Variants in ITGA11 observed in about 807,000 individuals in gnomAD.
ITGA11 encodes the protein integrin subunit alpha 11, also known as integrin alpha-11.
In ITGA11, 97 loss-of-function variants were observed where a neutral mutation model predicts 141.9. That is an observed-to-expected ratio of 0.68 (90% confidence interval 0.58 to 0.81). The LOEUF is 0.81. Ranked by LOEUF, ITGA11 falls within the 30% of genes least tolerant of loss-of-function variation. The pLI is 0.00. For synonymous variants in ITGA11, 658 were observed against 624.6 expected (o/e 1.05, Z -0.80); for missense variants, 1,387 against 1,559.2 (o/e 0.89, Z 1.86).
At chr15:68,332,975 AACAAT>A (rs1247248684) in intron 12 of ITGA11, among the ~76,000 whole-genome samples, 2 of 152,212 alleles carry the variant, frequency 1.3e-5, no homozygotes, top group East Asian at 1.9e-4. Flanking sequence ...TTTTAAATAA[AACAAT>A]ACATCATGAA....
chr15:68,337,349 G>C (rs1894394137), intron 11 of ITGA11, among the ~76,000 whole-genome samples: 1 of 152,106 alleles, frequency 6.6e-6, no homozygotes, highest in Non-Finnish European at 1.5e-5. Flanking sequence ...TGAAAGGGTA[G>C]GACCATGGCC....
At position 68,304,091 on chromosome 15, in the gene ITGA11, C is replaced by T. The variant is rs1893115544; in HGVS notation, c.3382-206G>A. On this transcript the variant is annotated intron_variant, in intron 28 of 29. Coordinates refer to ENST00000315757, the MANE Select transcript of ITGA11 (RefSeq NM_001004439.2). This position sits in a 1 kb window ranked among gnomAD's most constrained non-coding sequence, Gnocchi z 6.1. Reference sequence around the variant, plus strand: ...GAACAGCCGACACTGGGTTCAGTGGCCCAAGTGATCCTGCCTCCTTGAGAC... The same window carrying T: ...GAACAGCCGACACTGGGTTCAGTGGTCCAAGTGATCCTGCCTCCTTGAGAC... Among the ~76,000 whole-genome samples the T allele has an allele frequency of 6.6e-6, 1 of 152,170 alleles. No individual in the cohort carries two copies. Among genetic ancestry groups the T allele is most frequent in the Non-Finnish European group, 1.5e-5 (1 of 68,022 alleles).
chr15:68,358,559 T>C lies in ITGA11; in HGVS notation c.499A>G (p.Ile167Val). The C allele has an allele frequency of 6.2e-7, 1 of 1,613,770 alleles. No homozygotes were observed. Among genetic ancestry groups the C allele is most frequent in the Non-Finnish European group, 8.5e-7 (1 of 1,179,850 alleles). Reference sequence around the variant, plus strand: ...ATGCTGTTGGAGCCATCCAGGACAATGACGATGTCCATGTAGGTCTGGCAC... The same window carrying C: ...ATGCTGTTGGAGCCATCCAGGACAACGACGATGTCCATGTAGGTCTGGCAC... Reference protein sequence around the residue: ...QRCQTYMDIVIVLDGSNSIYP... With the variant: ...QRCQTYMDIVVVLDGSNSIYP... The change falls in exon 6 of 30, where the codon ATT (isoleucine) becomes GTT (valine). Residue 167 changes from isoleucine to valine, a missense_variant. Coordinates refer to ENST00000315757, the MANE Select transcript of ITGA11 (RefSeq NM_001004439.2).
At position 68,305,692 on chromosome 15, in the gene ITGA11, G is replaced by A. The variant is rs1005475214; in HGVS notation, c.3381+1656C>T. Among the ~76,000 whole-genome samples the A allele has an allele frequency of 6.6e-6, 1 of 152,312 alleles. No homozygotes were observed. The highest frequency in any genetic ancestry group is 1.9e-4 in the East Asian group (1 of 5,180). ...TCGGTGTGCATACCTGAGAGATGGG[G>A]GTGGGGACAGTGCCTCACAGTGTTG... On this transcript the variant is annotated intron_variant, in intron 28 of 29. Coordinates refer to ENST00000315757, the MANE Select transcript of ITGA11 (RefSeq NM_001004439.2). The surrounding 1 kb of genome is among the most constrained non-coding windows in gnomAD (Gnocchi z 4.6).
intron 11 of ITGA11, among the ~76,000 whole-genome samples, chr15:68,338,508 T>C (rs1253724718): frequency 1.5e-5 from 2 of 136,994 alleles, no homozygotes; most frequent in Non-Finnish European, 3.2e-5. Flanking sequence ...CCAGGTGCTG[T>C]TGGGAAACTT....
intron 10 of ITGA11, among the ~76,000 whole-genome samples, chr15:68,347,114 C>A (rs962411182): frequency 6.6e-6 from 1 of 152,208 alleles, no homozygotes; most frequent in Non-Finnish European, 1.5e-5. Context: ...TTCCTTGTTG[C>A]GTTTTCTAAT....
intron 6 of ITGA11, 103 bp from the exon 7 acceptor site, chr15:68,357,402 T>C: frequency 7.2e-7 from 1 of 1,395,642 alleles, no homozygotes; most frequent in South Asian, 1.4e-5. Flanking sequence ...TGTGTGATAA[T>C]ACAGGAGGGA....
chr15:68,323,284 C>A (rs907176333), intron 18 of ITGA11, among the ~76,000 whole-genome samples: 2 of 152,170 alleles, frequency 1.3e-5, no homozygotes, highest in African/African-American at 2.4e-5. Context: ...GGCATTCTAG[C>A]ACCAAAGTTC....
In ITGA11 at chr15:68,358,526, AG is replaced by A; in HGVS notation, c.531del (p.Trp178GlyfsTer12). 6.2e-7 allele frequency: 1 copy of A among 1,614,082 alleles called. No homozygotes were observed. The highest frequency in any genetic ancestry group is 8.5e-7 in the Non-Finnish European group (1 of 1,179,952). On this transcript the variant is annotated frameshift_variant, in exon 6 of 30. Transcript: ENST00000315757. LOFTEE classifies it high-confidence loss of function. ...ATGAGGAAGTGCTGAACCTCCACCC[AG>A]GGGTAGATGCTGTTGGAGCCATCCA... ...IVLDGSNSIY[P>X]WVEVQHFLIN...
intron 1 of ITGA11, among the ~76,000 whole-genome samples, chr15:68,416,760 C>A (rs1015658650): frequency 6.6e-6 from 1 of 151,954 alleles, no homozygotes; most frequent in African/African-American, 2.4e-5. Context: ...TACTAAAATA[C>A]AAAAAATTAG....
intron 15 of ITGA11, among the ~76,000 whole-genome samples, chr15:68,329,107 A>C (rs775573035): frequency 6.6e-6 from 1 of 152,144 alleles, no homozygotes; most frequent in Non-Finnish European, 1.5e-5. Context: ...GGTGAACAGC[A>C]CCTCTGCACT....
At chr15:68,344,269 G>T (rs1015642088) in intron 10 of ITGA11, among the ~76,000 whole-genome samples, 5 of 152,166 alleles carry the variant, frequency 3.3e-5, no homozygotes, top group African/African-American at 1.2e-4. Flanking sequence ...AGGTGAAGGA[G>T]TCTATTGTTT....
intron 1 of ITGA11, among the ~76,000 whole-genome samples, chr15:68,407,007 G>A (rs892366473): frequency 4.6e-5 from 7 of 152,212 alleles, no homozygotes; most frequent in African/African-American, 1.7e-4. Context: ...GGGTGCCGGG[G>A]TGATGTGTTC....
At chr15:68,309,617 CAG>C (rs1567121967) in intron 26 of ITGA11, among the ~76,000 whole-genome samples, 2 of 108,792 alleles carry the variant, frequency 1.8e-5, no homozygotes, top group Non-Finnish European at 3.5e-5. Context: ...TTTTTTGAGA[CAG>C]AGTCTTGCTC....
At chr15:68,405,585 T>C (rs367788191) in intron 1 of ITGA11, among the ~76,000 whole-genome samples, 7 of 152,170 alleles carry the variant, frequency 4.6e-5, no homozygotes, top group East Asian at 1.9e-4. Flanking sequence ...CTTATCAGCC[T>C]GGCTAGCAGC....
At chr15:68,424,011 G>T (rs1328063632) in intron 1 of ITGA11, among the ~76,000 whole-genome samples, 1 of 152,194 alleles carries the variant, frequency 6.6e-6, no homozygotes, top group Admixed American at 6.5e-5. Context: ...CCCAGTGCCG[G>T]TGCATCTGTC....
chr15:68,364,662 C>A (rs1235091867), intron 4 of ITGA11, 45 bp downstream of exon 4: 4 of 1,313,704 alleles, frequency 3.0e-6, no homozygotes, highest in Admixed American at 1.7e-5. Context: ...TCCCCACCCC[C>A]ACCCCTGCCT....
intron 2 of ITGA11, among the ~76,000 whole-genome samples, chr15:68,398,442 T>G (rs12595520): frequency 0.84 from 125,987 of 149,838 alleles, 53,557 homozygotes; most frequent in East Asian, 1. Flanking sequence ...AATTCAACAA[T>G]AAGAGCTAAC....
chr15:68,394,525 TTAAG>T (rs1896187828), intron 2 of ITGA11, among the ~76,000 whole-genome samples: 1 of 151,518 alleles, frequency 6.6e-6, no homozygotes, highest in Admixed American at 6.6e-5. Flanking sequence ...AATCAACAAT[TTAAG>T]TAAGAAGCTA....
Sources: gnomAD v4.1 joint callset for allele counts (sites outside exome capture counted in the v4.1 genomes callset) on GRCh38, gnomAD v4.1.1 for gene constraint, Gnocchi (gnomAD v3.1) non-coding constraint, MANE v1.5 for transcripts, NCBI Gene and HGNC (gene_info 2026-07-23, HGNC 2026-07-21) for gene names.